HABP2: variants seen among roughly 807,000 people sequenced by gnomAD.
HABP2 encodes hyaluronan binding protein 2.
A neutral mutation model predicts 66.5 loss-of-function variants in HABP2; 65 were observed. The ratio of observed to expected loss-of-function variants is 0.98; its 90% CI spans 0.80 to 1.20. The LOEUF (loss-of-function observed/expected upper bound fraction) is 1.20. Among genes scored for constraint, HABP2 ranks in the 50% most tolerant of loss-of-function variants. The pLI, the probability that HABP2 is intolerant of heterozygous loss-of-function variation, is 0.00. For synonymous variants in HABP2, 263 were observed against 253.9 expected (o/e 1.04, Z -0.34); for missense variants, 786 against 691.0 (o/e 1.14, Z -1.54).
In HABP2 at chr10:113,588,990, C is replaced by T; in HGVS notation, c.*621C>T. On this transcript the variant is annotated 3_prime_UTR_variant, in exon 13 of 13. Transcript: ENST00000351270. ...TGGACATGGCTCACAACAGCAGGGCCTTCTTCTTTTTGACGTGCAGAATCT... is the reference window on the plus strand; with the variant it reads ...TGGACATGGCTCACAACAGCAGGGCTTTCTTCTTTTTGACGTGCAGAATCT... 1 of 1,608,262 alleles carries T rather than the reference C, an allele frequency of 6.2e-7. No individual in the cohort carries two copies. The highest frequency in any genetic ancestry group is 8.5e-7 in the Non-Finnish European group (1 of 1,179,328).
At chr10:113,575,183 G>A (rs193193521) in intron 3 of HABP2, among the ~76,000 whole-genome samples, 2 of 152,294 alleles carry the variant, frequency 1.3e-5, no homozygotes, top group East Asian at 3.9e-4. Flanking sequence ...CATCAGAAGG[G>A]ACCATCAAAA....
rs1312677129 is a variant in HABP2 at position 113,588,843 on chromosome 10, A to ATTAT, written c.*477_*480dup. On this transcript the variant is annotated 3_prime_UTR_variant, in exon 13 of 13. Coordinates refer to ENST00000351270, the MANE Select transcript of HABP2 (RefSeq NM_004132.5). ...ACATTCTCCATCTGCTTTCAGAGTTATTATTTTAATAAAGGAAGATCTGGG... is the reference window on the plus strand; with the variant it reads ...ACATTCTCCATCTGCTTTCAGAGTTATTATTTATTTTAATAAAGGAAGATCTGGG... 1 of 704,060 alleles carries ATTAT rather than the reference A, an allele frequency of 1.4e-6. No homozygotes were observed. Among genetic ancestry groups the ATTAT allele is most frequent in the East Asian group, 2.5e-5 (1 of 40,416 alleles). The allele number at this position is 704,060 out of a possible 1,614,324, so 43.6% of individuals were successfully genotyped here. A position where few individuals can be genotyped will look rare whatever the true frequency, so the allele number is the denominator to read the frequency against.
At chr10:113,568,094 C>T (rs1013171609) in intron 2 of HABP2, among the ~76,000 whole-genome samples, 2 of 152,262 alleles carry the variant, frequency 1.3e-5, no homozygotes, top group African/African-American at 4.8e-5. Flanking sequence ...CAGACTCGCT[C>T]TCTTATTGTC....
At chr10:113,558,256 A>G (rs1845036535) in intron 1 of HABP2, among the ~76,000 whole-genome samples, 1 of 152,254 alleles carries the variant, frequency 6.6e-6, no homozygotes, top group Admixed American at 6.5e-5. Flanking sequence ...TCAGTCATGA[A>G]TGAAGCCATC....
intron 8 of HABP2, among the ~76,000 whole-genome samples, chr10:113,581,544 T>C (rs1845531321): frequency 6.6e-6 from 1 of 152,224 alleles, no homozygotes; most frequent in Non-Finnish European, 1.5e-5. Flanking sequence ...TGTGGGGGCT[T>C]TGTCAAGGTG....
intron 2 of HABP2, among the ~76,000 whole-genome samples, chr10:113,568,348 G>C (rs193114948): frequency 6.6e-6 from 1 of 152,254 alleles, no homozygotes; most frequent in Admixed American, 6.5e-5. Context: ...CATGGAGACT[G>C]TGGCCACATC....
rs551969304 is a variant in HABP2 at position 113,578,767 on chromosome 10, A to C, written c.709A>C (p.Thr237Pro). Residue 237 changes from threonine (T) to proline (P), a missense_variant, in exon 7 of 13, where the codon ACC becomes CCC. Physicochemically the swap from Thr to Pro is conservative, Grantham distance 38. Coordinates refer to ENST00000351270, the MANE Select transcript of HABP2 (RefSeq NM_004132.5). ...NYNMFMEDAE[T>P]HGIGEHNFCR... ...CAACATGTTTATGGAGGATGCTGAAACCCATGGGATTGGGGAACACAATTT... is the reference window on the plus strand; with the variant it reads ...CAACATGTTTATGGAGGATGCTGAACCCCATGGGATTGGGGAACACAATTT... 1 of 1,612,278 alleles carries C rather than the reference A, an allele frequency of 6.2e-7. No homozygotes were observed. The highest frequency in any genetic ancestry group is 1.7e-5 in the Admixed American group (1 of 59,980).
At chr10:113,570,368 G>T (rs1845283064) in intron 2 of HABP2, among the ~76,000 whole-genome samples, 1 of 152,208 alleles carries the variant, frequency 6.6e-6, no homozygotes, top group Non-Finnish European at 1.5e-5. Context: ...ATACTCTCAT[G>T]ATTCTTCCTG....
At chr10:113,565,793 C>T (rs1212661859) in intron 1 of HABP2, among the ~76,000 whole-genome samples, 1 of 152,188 alleles carries the variant, frequency 6.6e-6, no homozygotes, top group Non-Finnish European at 1.5e-5. Flanking sequence ...AAAATACAGT[C>T]CTCCCATCTT....
intron 1 of HABP2, among the ~76,000 whole-genome samples, chr10:113,560,773 A>G (rs188690871): frequency 6.6e-6 from 1 of 152,368 alleles, no homozygotes; most frequent in Admixed American, 6.5e-5. Flanking sequence ...TCCCAGAAGG[A>G]CAAATATTGT....
chr10:113,554,324 C>G (rs1844952557), intron 1 of HABP2, among the ~76,000 whole-genome samples: 1 of 152,164 alleles, frequency 6.6e-6, no homozygotes, highest in South Asian at 2.1e-4. Flanking sequence ...TATTAAGTAC[C>G]TTTGCATTTT....
chr10:113,589,533 T>C lies in HABP2; in HGVS notation c.*1164T>C. 1 of 1,088,906 alleles carries C rather than the reference T, an allele frequency of 9.2e-7. No individual in the cohort carries two copies. Among genetic ancestry groups the C allele is most frequent in the Non-Finnish European group, 1.3e-6 (1 of 761,128 alleles). 67.5% of individuals were successfully genotyped at this position (1,088,906 alleles called of 1,614,324 possible). On this transcript the variant is annotated 3_prime_UTR_variant, in exon 13 of 13. Transcript: ENST00000351270. ...CTCAGACCCATGAAATTAGGCGCCTTGTTTGAGCTGCGTTTCACACTTCTT... is the reference window on the plus strand; with the variant it reads ...CTCAGACCCATGAAATTAGGCGCCTCGTTTGAGCTGCGTTTCACACTTCTT...
At chr10:113,583,109 C>A in intron 9 of HABP2, 107 bp from the exon 10 acceptor site, 1 of 877,248 alleles carries the variant, frequency 1.1e-6, no homozygotes, top group South Asian at 1.6e-5. Flanking sequence ...GTGAGTGAGA[C>A]GAGGGTTACA....
Position 113,577,139 on chromosome 10 carries a change from A to G in HABP2, c.332-11A>G. On this transcript the variant is annotated splice_polypyrimidine_tract_variant and intron_variant, in intron 4 of 12. Transcript: ENST00000351270. ...CCCCAAATAATGTCTTATGTTATGGATCTCCTACAGTGCAAAATACGTGCA... is the reference window on the plus strand; with the variant it reads ...CCCCAAATAATGTCTTATGTTATGGGTCTCCTACAGTGCAAAATACGTGCA... The G allele has an allele frequency of 6.9e-7, 1 of 1,455,992 alleles. No homozygotes were observed. Among genetic ancestry groups the G allele is most frequent in the Non-Finnish European group, 9.7e-7 (1 of 1,035,952 alleles). The allele number at this position is 1,455,992 out of a possible 1,614,324, so 90.2% of individuals were successfully genotyped here. A position where few individuals can be genotyped will look rare whatever the true frequency, so the allele number is the denominator to read the frequency against.
In HABP2 at chr10:113,589,285, G is replaced by A; in HGVS notation, c.*916G>A. 1 of 586,134 alleles carries A rather than the reference G, an allele frequency of 1.7e-6. No individual in the cohort carries two copies. The highest frequency in any genetic ancestry group is 3.0e-6 in the Non-Finnish European group (1 of 332,098). The allele number at this position is 586,134 out of a possible 1,614,324, so 36.3% of individuals were successfully genotyped here. A position where few individuals can be genotyped will look rare whatever the true frequency, so the allele number is the denominator to read the frequency against. Reference sequence around the variant, plus strand: ...AAAGCCAATCTCTCATTTAGACCTGGCTTCTTTCTTCTGAACAAAGTAGGG... The same window carrying A: ...AAAGCCAATCTCTCATTTAGACCTGACTTCTTTCTTCTGAACAAAGTAGGG... On this transcript the variant is annotated 3_prime_UTR_variant, in exon 13 of 13. Coordinates refer to ENST00000351270, the MANE Select transcript of HABP2 (RefSeq NM_004132.5).
Position 113,588,478 on chromosome 10 carries a change from A to G in HABP2, c.*109A>G. ...GAGCCTCCAGGGGACCACACAGTAGACTATCCCTACTCTAAGCAGAGACAA... is the reference window on the plus strand; with the variant it reads ...GAGCCTCCAGGGGACCACACAGTAGGCTATCCCTACTCTAAGCAGAGACAA... On this transcript the variant is annotated 3_prime_UTR_variant, in exon 13 of 13. Transcript: ENST00000351270. The G allele has an allele frequency of 1.3e-6, 1 of 748,938 alleles. No individual in the cohort carries two copies. The highest frequency in any genetic ancestry group is 2.1e-6 in the Non-Finnish European group (1 of 469,162). 46.4% of individuals were successfully genotyped at this position (748,938 alleles called of 1,614,324 possible). A position where few individuals can be genotyped will look rare whatever the true frequency, so the allele number is the denominator to read the frequency against.
chr10:113,589,040 C>G lies in HABP2; in HGVS notation c.*671C>G, dbSNP rs1010793575. 6.2e-7 allele frequency: 1 copy of G among 1,614,106 alleles called. No homozygotes were observed. The highest frequency in any genetic ancestry group is 8.5e-7 in the Non-Finnish European group (1 of 1,180,038). ...TCAGTGGCATCTGGGTTCACCTCCCCACTCTGATGATCTCCAGCCTCCACT... is the reference window on the plus strand; with the variant it reads ...TCAGTGGCATCTGGGTTCACCTCCCGACTCTGATGATCTCCAGCCTCCACT... On this transcript the variant is annotated 3_prime_UTR_variant, in exon 13 of 13. Transcript: ENST00000351270.
Position 113,574,378 on chromosome 10 carries a change from G to A in HABP2, c.196G>A (p.Asp66Asn). 1 of 1,575,734 alleles carries A rather than the reference G, an allele frequency of 6.3e-7. No homozygotes were observed. The highest frequency in any genetic ancestry group is 1.7e-5 in the Admixed American group (1 of 59,978). The change falls in exon 3 of 13, where the codon GAC becomes AAC. Residue 66 changes from aspartate (D) to asparagine (N), a missense_variant. Transcript: ENST00000351270. Reference protein sequence around the residue: ...SSTLTHAENPDWYYTEDQADP... With the variant: ...SSTLTHAENPNWYYTEDQADP... The stretch of plus-strand genomic sequence containing the variant: ...CACACTTACCCACGCTGAGAATCCT[G>A]ACTGGTACTACACTGAGGACCAAGC...
At chr10:113,573,311 C>T (rs957053619) in intron 2 of HABP2, among the ~76,000 whole-genome samples, 3 of 152,086 alleles carry the variant, frequency 2.0e-5, no homozygotes, top group African/African-American at 7.2e-5. Flanking sequence ...TGTTTTTTTT[C>T]CCAATGACCA....
Sources: allele counts gnomAD v4.1 joint callset (sites outside exome capture counted in the v4.1 genomes callset), GRCh38; gene constraint gnomAD v4.1.1; transcripts MANE v1.5; gene names NCBI Gene and HGNC (gene_info 2026-07-23, HGNC 2026-07-21).